SDCBP: variants seen among roughly 807,000 people sequenced by gnomAD.
SDCBP encodes the protein syntenin-1.
Under a neutral mutation model 30.5 loss-of-function variants are expected in SDCBP, and 22 were observed. That is an observed-to-expected ratio of 0.72 (90% CI 0.52 to 1.03). SDCBP has a LOEUF of 1.03. Ranked by LOEUF, SDCBP falls within the 50% of genes least tolerant of loss-of-function variation. The pLI is 0.00. For missense variants in SDCBP, 304 were observed against 369.9 expected (o/e 0.82, Z 1.46); for synonymous variants, 103 against 118.7 (o/e 0.87, Z 0.86).
intron 7 of SDCBP, 177 bp downstream of exon 7, chr8:58,579,971 T>TTCCTATAACAAGTGGGC: frequency 2.0e-6 from 1 of 491,896 alleles, no homozygotes; most frequent in African/African-American, 2.0e-5. Flanking sequence ...AGAACTACAG[T>TTCCTATAACAAGTGGGC]TCCTATAACA....
At chr8:58,579,917 ACTCTT>A in intron 7 of SDCBP, 123 bp downstream of exon 7, 7 of 848,778 alleles carry the variant, frequency 8.2e-6, no homozygotes, top group Non-Finnish European at 1.2e-5. Context: ...TGGGGCCTGA[ACTCTT>A]GGTCTGGCCA....
At chr8:58,581,482 G>T (rs1164065979) in intron 8 of SDCBP, among the ~76,000 whole-genome samples, 1 of 152,048 alleles carries the variant, frequency 6.6e-6, no homozygotes, top group African/African-American at 2.4e-5. Context: ...GCCAAATACA[G>T]ATAGTCTTTC....
rs1457162502 is a variant in SDCBP, at chr8:58,576,220, G to A, written c.402+159G>A. 4.9e-6 allele frequency: 3 copies of A among 616,176 alleles called. No homozygotes were observed. In the East Asian group the frequency reaches 8.6e-5, roughly 18 times the overall value. The allele number at this position is 616,176 out of a possible 1,614,324, so 38.2% of individuals were successfully genotyped here. ...AACTTAAATGTTTTCAATTGGGGAT[G>A]TTCTATTTTGCAGAGGCATAGTTGG... On this transcript the variant is annotated intron_variant, in intron 5 of 8. Coordinates refer to ENST00000260130, the MANE Select transcript of SDCBP (RefSeq NM_005625.4).
At chr8:58,557,853 C>T (rs971853302) in intron 1 of SDCBP, among the ~76,000 whole-genome samples, 1 of 152,128 alleles carries the variant, frequency 6.6e-6, no homozygotes, top group South Asian at 2.1e-4. Flanking sequence ...AAACAAAATT[C>T]TTTAGTTTAG....
rs373695046 is a variant in SDCBP, at chr8:58,581,811, C to T, written c.*71C>T. ...TCTTTGGCAACTTCTGTATTATGCA[C>T]GTGAAGCCTTCCCGGAGCCAGCGAG... On this transcript the variant is annotated 3_prime_UTR_variant, in exon 9 of 9. Transcript: ENST00000260130. 5.8e-4 allele frequency: 739 copies of T among 1,273,506 alleles called. No homozygotes were observed. The highest frequency in any genetic ancestry group is 7.9e-4 in the Non-Finnish European group (690 of 872,406). The allele number at this position is 1,273,506 out of a possible 1,614,324, so 78.9% of individuals were successfully genotyped here.
In SDCBP at chr8:58,560,297, A is replaced by G. The variant is rs1054022671; in HGVS notation, c.-15-4722A>G. 1.5e-4 allele frequency: 23 copies of G among 152,350 alleles called. 1 individual carries two copies. The highest frequency in any genetic ancestry group is 5.5e-4 in the African/African-American group (23 of 41,454). The allele number at this position is 152,350 out of a possible 1,614,324, so 9.4% of individuals were successfully genotyped here. A position where few individuals can be genotyped will look rare whatever the true frequency, so the allele number is the denominator to read the frequency against. On this transcript the variant is annotated intron_variant, in intron 1 of 8. Transcript: ENST00000260130. ...GGTGTATTCCAGGTGCCCAGGAGCC[A>G]CTGAGAACAGAAGACTTGTTGCTGC...
intron 1 of SDCBP, among the ~76,000 whole-genome samples, chr8:58,558,569 C>T (rs1333586918): frequency 1.3e-5 from 2 of 152,170 alleles, no homozygotes; most frequent in Non-Finnish European, 2.9e-5. Context: ...AGGCACTGCG[C>T]CCAGCTACAT....
chr8:58,577,665 T>C (rs1805419024), intron 5 of SDCBP, among the ~76,000 whole-genome samples: 1 of 152,174 alleles, frequency 6.6e-6, no homozygotes, highest in Non-Finnish European at 1.5e-5. Flanking sequence ...GTACTGATAA[T>C]TTGGTATTCT....
rs184253936 is a variant in SDCBP at position 58,562,945 on chromosome 8, A to G, written c.-15-2074A>G. Among the ~76,000 whole-genome samples the G allele has an allele frequency of 6.6e-5, 10 of 152,314 alleles. No individual in the cohort carries two copies. In the East Asian group the frequency reaches 1.9e-3, roughly 29 times the overall value. On this transcript the variant is annotated intron_variant, in intron 1 of 8. Transcript: ENST00000260130. ...ATCATATATGATAGTGGTCTATGAT[A>G]TGGTCTGAATGTTTGTGACTGTGTC...
intron 4 of SDCBP, among the ~76,000 whole-genome samples, chr8:58,574,973 A>G (rs1268591107): frequency 6.6e-6 from 1 of 152,172 alleles, no homozygotes; most frequent in East Asian, 1.9e-4. Context: ...ACGTACTCAT[A>G]TGATAACTGA....
In SDCBP at chr8:58,575,969, C is replaced by G. The variant is rs761516720; in HGVS notation, c.310C>G (p.Arg104Gly). 2.5e-6 allele frequency: 4 copies of G among 1,612,772 alleles called. No homozygotes were observed. In the Admixed American group the frequency reaches 6.7e-5, roughly 27 times the overall value. The stretch of plus-strand genomic sequence containing the variant: ...TGTAACTGGTAATGATGTTGGAATT[C>G]GTAGAGCAGAAATTAAGCAAGGGAT... Reference protein sequence around the residue: ...APVTGNDVGIRRAEIKQGIRE... With the variant: ...APVTGNDVGIGRAEIKQGIRE... The change falls in exon 5 of 9, where the codon CGT becomes GGT. Residue 104 changes from arginine (R) to glycine (G), a missense_variant. By Grantham distance (125) the Arg-to-Gly change is moderately radical (BLOSUM62 -2). Transcript: ENST00000260130.
At chr8:58,558,655 G>A (rs1482940073) in intron 1 of SDCBP, among the ~76,000 whole-genome samples, 2 of 152,170 alleles carry the variant, frequency 1.3e-5, no homozygotes, top group Admixed American at 6.5e-5. Context: ...TTCAAGTAGT[G>A]GAGATAAACA....
chr8:58,582,049 G>T lies in SDCBP; in HGVS notation c.*309G>T, dbSNP rs1805717323. The T allele has an allele frequency of 9.3e-6, 3 of 320,994 alleles. No homozygotes were observed. The highest frequency in any genetic ancestry group is 1.7e-5 in the Non-Finnish European group (3 of 171,754). The allele number at this position is 320,994 out of a possible 1,614,324, so 19.9% of individuals were successfully genotyped here. A position where few individuals can be genotyped will look rare whatever the true frequency, so the allele number is the denominator to read the frequency against. The stretch of plus-strand genomic sequence containing the variant: ...ATTGTGATTAGGATGACTGTTACAG[G>T]CTTAGCTTTGTGTGAAAACCAGTCA... On this transcript the variant is annotated 3_prime_UTR_variant, in exon 9 of 9. Transcript: ENST00000260130.
At chr8:58,560,799 G>A (rs543596347) in intron 1 of SDCBP, 2 of 152,260 alleles carry the variant, frequency 1.3e-5, no homozygotes, top group Admixed American at 6.5e-5. Context: ...ACAAAGACTG[G>A]GAGGGGTGAT....
At chr8:58,558,249 C>T (rs1377022689) in intron 1 of SDCBP, among the ~76,000 whole-genome samples, 1 of 152,108 alleles carries the variant, frequency 6.6e-6, no homozygotes, top group East Asian at 1.9e-4. Context: ...TGACATTTGT[C>T]AAAATACTAA....
intron 1 of SDCBP, among the ~76,000 whole-genome samples, chr8:58,557,106 T>G (rs576790870): frequency 0.013 from 1,624 of 125,842 alleles, 47 homozygotes; most frequent in African/African-American, 0.05. Context: ...ATATTATATA[T>G]TATACTATTA....
intron 6 of SDCBP, 60 bp downstream of exon 6, chr8:58,578,268 C>T (rs1805461473): frequency 2.3e-6 from 3 of 1,299,554 alleles, no homozygotes; most frequent in South Asian, 3.2e-5. Flanking sequence ...TTTTTTTGGG[C>T]TTTCAGAGTT....
At chr8:58,564,004 C>T (rs1054913671) in intron 1 of SDCBP, among the ~76,000 whole-genome samples, 3 of 152,160 alleles carry the variant, frequency 2.0e-5, no homozygotes, top group Non-Finnish European at 4.4e-5. Context: ...CTTCTGCATG[C>T]TTGTGAAACT....
At chr8:58,578,007 A>G in intron 5 of SDCBP, 26 bp from the exon 6 acceptor site, 1 of 1,586,098 alleles carries the variant, frequency 6.3e-7, no homozygotes, top group Admixed American at 1.7e-5. Flanking sequence ...GTGGTAAATG[A>G]CAAAAATTAT....
Sources: allele counts gnomAD v4.1 joint callset (sites outside exome capture counted in the v4.1 genomes callset), GRCh38; gene constraint gnomAD v4.1.1; transcripts MANE v1.5; gene names NCBI Gene and HGNC (gene_info 2026-07-23, HGNC 2026-07-21).